IGSF11: variants seen among roughly 807,000 people sequenced by gnomAD.
IGSF11 encodes CXADR like 1.
Under a neutral mutation model 41.0 loss-of-function variants are expected in IGSF11, and 22 were observed. The observed-to-expected ratio is 0.54, with a 90% CI of 0.38 to 0.77. The LOEUF is 0.77. IGSF11 is among the 30% of genes least tolerant of loss of function. The probability of loss-of-function intolerance (pLI) is 0.00; values close to 1 mark genes in which losing one functional copy is unlikely to be tolerated. For synonymous variants in IGSF11, 219 were observed against 201.3 expected (o/e 1.09, Z -0.74); for missense variants, 444 against 530.8 (o/e 0.84, Z 1.61).
At chr3:119,116,320 T>C (rs76847312) in intron 1 of IGSF11, among the ~76,000 whole-genome samples, 2,291 of 152,192 alleles carry the variant, frequency 0.015, 50 homozygotes, top group African/African-American at 0.052. Context: ...CTGGAATTTA[T>C]ACCACTGGCT....
intron 1 of IGSF11, among the ~76,000 whole-genome samples, chr3:119,099,828 C>A (rs1315804115): frequency 6.6e-6 from 1 of 152,142 alleles, no homozygotes; most frequent in African/African-American, 2.4e-5. Flanking sequence ...GTATATTAGT[C>A]CCTTCTTATC....
chr3:119,096,743 A>T (rs1024654873), intron 1 of IGSF11, among the ~76,000 whole-genome samples: 7 of 152,244 alleles, frequency 4.6e-5, no homozygotes, highest in African/African-American at 1.4e-4. Flanking sequence ...AAGGGGAAAC[A>T]AACAATAACA....
intron 4 of IGSF11, among the ~76,000 whole-genome samples, chr3:118,917,347 T>C (rs1941244646): frequency 6.7e-6 from 1 of 149,642 alleles, no homozygotes; most frequent in African/African-American, 2.5e-5. Context: ...TCAACAAAAT[T>C]GATAGACCAC....
chr3:119,023,123 G>A (rs767546737), intron 1 of IGSF11, among the ~76,000 whole-genome samples: 21 of 152,090 alleles, frequency 1.4e-4, no homozygotes, highest in Non-Finnish European at 2.9e-4. Flanking sequence ...TCAGCCAGGC[G>A]TTGTGGCTGA....
chr3:119,079,105 C>T (rs976615305), intron 1 of IGSF11, among the ~76,000 whole-genome samples: 1 of 152,082 alleles, frequency 6.6e-6, no homozygotes, highest in Non-Finnish European at 1.5e-5. Flanking sequence ...TGCCTGTAAT[C>T]CCAGCACTTT....
intron 1 of IGSF11, among the ~76,000 whole-genome samples, chr3:119,022,864 T>C (rs1939428954): frequency 6.6e-6 from 1 of 152,160 alleles, no homozygotes; most frequent in South Asian, 2.1e-4. Context: ...GCAATTTGTT[T>C]CATAGGGATA....
At chr3:119,086,466 A>G (rs1401130005) in intron 1 of IGSF11, among the ~76,000 whole-genome samples, 1 of 151,864 alleles carries the variant, frequency 6.6e-6, no homozygotes, top group Non-Finnish European at 1.5e-5. Context: ...ACAAAAGAAA[A>G]AGTCCAAGTT....
intron 1 of IGSF11, among the ~76,000 whole-genome samples, chr3:119,072,932 G>A (rs574701692): frequency 6.6e-5 from 10 of 152,230 alleles, no homozygotes; most frequent in South Asian, 2.1e-4. Context: ...CGTTTTGACC[G>A]GGTGCTGATT....
upstream of IGSF11, among the ~76,000 whole-genome samples, chr3:119,107,232 C>T (rs2077047282): frequency 1.3e-5 from 2 of 152,242 alleles, no homozygotes; most frequent in South Asian, 4.1e-4. Flanking sequence ...TATTTCTCCA[C>T]ATCCTCTCCA....
At chr3:119,124,266 C>CTTTTTTT (rs567233919) in intron 1 of IGSF11, among the ~76,000 whole-genome samples, 1 of 79,476 alleles carries the variant, frequency 1.3e-5, no homozygotes, top group Non-Finnish European at 2.4e-5. Context: ...ACATCAGAGC[C>CTTTTTTT]TTTTTTTTTT....
intron 4 of IGSF11, among the ~76,000 whole-genome samples, chr3:118,917,221 T>C (rs1463722978): frequency 7.0e-6 from 1 of 143,846 alleles, no homozygotes; most frequent in Non-Finnish European, 1.5e-5. Flanking sequence ...AGCAAACACA[T>C]TCAAAAGCTA....
rs200774982 is a variant in IGSF11, at chr3:119,087,373, T to TACAC, written c.49+17767_49+17770dup. Among the ~76,000 whole-genome samples the TACAC allele has an allele frequency of 2.8e-3, 414 of 147,500 alleles. 1 individual carries two copies. The highest frequency in any genetic ancestry group is 0.015 in the East Asian group (76 of 5,036). The stretch of plus-strand genomic sequence containing the variant: ...CAACAAGTGAATAAAGAAAATGTTA[T>TACAC]ACACACACACACACACACACACACA... On this transcript the variant is annotated intron_variant, in intron 1 of 6. Coordinates refer to the IGSF11 transcript ENST00000354673.
At chr3:119,132,560 C>G (rs1469672405) in intron 1 of IGSF11, among the ~76,000 whole-genome samples, 1 of 152,036 alleles carries the variant, frequency 6.6e-6, no homozygotes, top group Non-Finnish European at 1.5e-5. Context: ...TGGGAGCACG[C>G]AGATTCATAA....
chr3:118,972,121 T>C (rs1435843143), intron 1 of IGSF11, among the ~76,000 whole-genome samples: 2 of 152,198 alleles, frequency 1.3e-5, no homozygotes, highest in African/African-American at 4.8e-5. Flanking sequence ...ATCCTTTCTT[T>C]AGGGGGTTGC....
intron 1 of IGSF11, among the ~76,000 whole-genome samples, chr3:119,049,434 CT>C (rs1941518648): frequency 6.6e-6 from 1 of 152,154 alleles, no homozygotes; most frequent in South Asian, 2.1e-4. Context: ...AGGAATCCAA[CT>C]TACAAGGGAT....
rs566995387 is a variant in IGSF11, at chr3:118,941,214, TG to T, written c.53-10940del. Among the ~76,000 whole-genome samples, 330 of 152,196 alleles carry T rather than the reference TG, an allele frequency of 2.2e-3. 2 individuals carry two copies. The highest frequency in any genetic ancestry group is 9.9e-3 in the South Asian group (48 of 4,826). On this transcript the variant is annotated intron_variant, in intron 1 of 6. Coordinates refer to ENST00000393775, the MANE Select transcript of IGSF11 (RefSeq NM_001015887.3). ...GAAAATAAAAATACAAGCCATAGGT[TG>T]GGAAAAAATATTTTCAAAACACAAG...
chr3:119,067,002 T>C (rs1047329017), intron 1 of IGSF11, among the ~76,000 whole-genome samples: 4 of 152,228 alleles, frequency 2.6e-5, no homozygotes, highest in African/African-American at 9.6e-5. Flanking sequence ...ATTTATTGTC[T>C]GCAAATTCCA....
intron 1 of IGSF11, among the ~76,000 whole-genome samples, chr3:119,045,409 T>A (rs1423410542): frequency 6.6e-6 from 1 of 152,186 alleles, no homozygotes; most frequent in Non-Finnish European, 1.5e-5. Context: ...ATCGGGTCAC[T>A]CCCACCCGAA....
chr3:118,967,264 T>C (rs1019690922), intron 1 of IGSF11, among the ~76,000 whole-genome samples: 20 of 152,038 alleles, frequency 1.3e-4, no homozygotes, highest in African/African-American at 4.6e-4. Flanking sequence ...GATATAACAG[T>C]CATAATTTGA....
Sources: gnomAD v4.1 joint callset for allele counts (sites outside exome capture counted in the v4.1 genomes callset) on GRCh38, gnomAD v4.1.1 for gene constraint, MANE v1.5 for transcripts, NCBI Gene and HGNC (gene_info 2026-07-23, HGNC 2026-07-21) for gene names.